PTPN13: variants seen among roughly 807,000 people sequenced by gnomAD.
PTPN13 encodes tyrosine-protein phosphatase non-receptor type 13.
In PTPN13, 191 loss-of-function variants were observed where a neutral mutation model predicts 284.0. The ratio of observed to expected loss-of-function variants is 0.67; its 90% CI spans 0.60 to 0.76. PTPN13 has a LOEUF of 0.76. Among genes scored for constraint, PTPN13 ranks in the 30% least tolerant of loss-of-function variants. The pLI is 0.00. For missense variants in PTPN13, 2,797 were observed against 2,939.9 expected (o/e 0.95, Z 1.12); for synonymous variants, 986 against 1,022.3 (o/e 0.96, Z 0.68).
chr4:86,608,894 C>T (rs1327743807), intron 1 of PTPN13, among the ~76,000 whole-genome samples: 1 of 152,152 alleles, frequency 6.6e-6, no homozygotes, highest in African/African-American at 2.4e-5. Flanking sequence ...CAGTTATTTA[C>T]AGAGCCCCAA....
At chr4:86,624,722 G>A (rs192458107) in intron 1 of PTPN13, among the ~76,000 whole-genome samples, 2 of 152,066 alleles carry the variant, frequency 1.3e-5, no homozygotes, top group Admixed American at 6.6e-5. Context: ...AGGCTGAGGC[G>A]GGATTGCTTA....
At chr4:86,671,499 T>G (rs1253374701) in intron 2 of PTPN13, among the ~76,000 whole-genome samples, 1 of 152,214 alleles carries the variant, frequency 6.6e-6, no homozygotes, top group African/African-American at 2.4e-5. Flanking sequence ...AAATAAAGTT[T>G]ATTCTAATCA....
In PTPN13 at chr4:86,758,936, G is replaced by A; in HGVS notation, c.3422-6G>A. 1 of 1,611,730 alleles carries A rather than the reference G, an allele frequency of 6.2e-7. No homozygotes were observed. The highest frequency in any genetic ancestry group is 8.5e-7 in the Non-Finnish European group (1 of 1,179,070). On this transcript the variant is annotated splice_polypyrimidine_tract_variant and splice_region_variant and intron_variant, in intron 22 of 47. Coordinates refer to ENST00000411767, the MANE Select transcript of PTPN13 (RefSeq NM_080683.3). ...GTTGAAAATACTGGATTGTCTATTTGTACAGGAGACCGTTTGATATCTGTG... is the reference window on the plus strand; with the variant it reads ...GTTGAAAATACTGGATTGTCTATTTATACAGGAGACCGTTTGATATCTGTG...
At chr4:86,641,336 C>CGAAA (rs1363345522) in intron 2 of PTPN13, among the ~76,000 whole-genome samples, 1 of 151,892 alleles carries the variant, frequency 6.6e-6, no homozygotes, top group African/African-American at 2.4e-5. Context: ...ATGGCTTTTC[C>CGAAA]CCCTTATCAT....
chr4:86,634,463 G>A lies in PTPN13; in HGVS notation c.-5-789G>A, dbSNP rs1051471083. Among the ~76,000 whole-genome samples, 7 of 152,060 alleles carry A rather than the reference G, an allele frequency of 4.6e-5. No homozygotes were observed. The East Asian group carries it at 9.6e-4, about 21-fold the overall frequency. ...TCAGTATATCATCACTTAACTGAAC[G>A]CCATTGGAAAAATTGACCTGACAAA... On this transcript the variant is annotated intron_variant, in intron 1 of 47. Transcript: ENST00000411767.
intron 15 of PTPN13, among the ~76,000 whole-genome samples, chr4:86,739,814 G>T (rs1273586549): frequency 6.6e-6 from 1 of 152,182 alleles, no homozygotes; most frequent in African/African-American, 2.4e-5. Context: ...AGGTACAATG[G>T]GGGTTACAGG....
At chr4:86,605,275 C>T (rs1447008436) in intron 1 of PTPN13, among the ~76,000 whole-genome samples, 1 of 151,854 alleles carries the variant, frequency 6.6e-6, no homozygotes, top group Non-Finnish European at 1.5e-5. Flanking sequence ...AAAAGTAGAA[C>T]ATTGTGATCA....
chr4:86,626,817 G>A (rs1007188894), intron 1 of PTPN13, among the ~76,000 whole-genome samples: 1 of 151,958 alleles, frequency 6.6e-6, no homozygotes, highest in Non-Finnish European at 1.5e-5. Context: ...CTGCACAGAG[G>A]GTCAGTTCCC....
At chr4:86,636,884 C>T (rs1723082797) in intron 2 of PTPN13, among the ~76,000 whole-genome samples, 1 of 151,886 alleles carries the variant, frequency 6.6e-6, no homozygotes, top group Admixed American at 6.6e-5. Flanking sequence ...ATTAATGAAT[C>T]CAGGAGCTGG....
chr4:86,807,439 C>A, intron 44 of PTPN13, 121 bp from the exon 45 acceptor site: 3 of 702,228 alleles, frequency 4.3e-6, no homozygotes, highest in East Asian at 2.6e-5. Flanking sequence ...TATTAAAATA[C>A]GTTGGTGATT....
chr4:86,771,112 A>T (rs1739946043), intron 30 of PTPN13, 59 bp from the exon 31 acceptor site: 1 of 1,478,640 alleles, frequency 6.8e-7, no homozygotes, highest in Admixed American at 2.5e-5. Flanking sequence ...TTATTTTCAA[A>T]TAAATGCTTC....
At chr4:86,645,027 G>C (rs952546681) in intron 2 of PTPN13, among the ~76,000 whole-genome samples, 1 of 151,994 alleles carries the variant, frequency 6.6e-6, no homozygotes, top group Non-Finnish European at 1.5e-5. Flanking sequence ...TGCGAAACAC[G>C]GTGAAACCTC....
chr4:86,653,826 A>G (rs1172715282), intron 2 of PTPN13, among the ~76,000 whole-genome samples: 2 of 152,224 alleles, frequency 1.3e-5, no homozygotes, highest in Non-Finnish European at 2.9e-5. Flanking sequence ...AGAAAATTGA[A>G]AAGTAACTAA....
chr4:86,705,666 G>A (rs1424522404), intron 7 of PTPN13, among the ~76,000 whole-genome samples: 5 of 152,134 alleles, frequency 3.3e-5, no homozygotes, highest in Non-Finnish European at 5.9e-5. Context: ...AGAGGTCTTA[G>A]AGCACATGTT....
At chr4:86,612,102 A>AT (rs201628513) in intron 1 of PTPN13, among the ~76,000 whole-genome samples, 2 of 152,204 alleles carry the variant, frequency 1.3e-5, no homozygotes, top group East Asian at 3.8e-4. Flanking sequence ...AAATCTTTAA[A>AT]ATAAGACCTG....
At chr4:86,745,866 T>G (rs1424080153) in intron 17 of PTPN13, among the ~76,000 whole-genome samples, 1 of 151,952 alleles carries the variant, frequency 6.6e-6, no homozygotes, top group East Asian at 1.9e-4. Context: ...GAGACTAGAG[T>G]ACTGGACAGG....
intron 2 of PTPN13, among the ~76,000 whole-genome samples, chr4:86,644,475 A>G (rs574750078): frequency 4.6e-5 from 7 of 152,276 alleles, no homozygotes; most frequent in Admixed American, 2.0e-4. Flanking sequence ...ATACCCCACA[A>G]AGAAAATTCC....
chr4:86,785,967 T>C, intron 40 of PTPN13, 31 bp downstream of exon 40: 1 of 1,262,164 alleles, frequency 7.9e-7, no homozygotes, highest in South Asian at 1.5e-5. Flanking sequence ...ACCTAGGATA[T>C]GACAGCTTGT....
At position 86,758,803 on chromosome 4, in the gene PTPN13, A is replaced by T; in HGVS notation, c.3421+18A>T. 1 of 1,605,260 alleles carries T rather than the reference A, an allele frequency of 6.2e-7. No homozygotes were observed. Among genetic ancestry groups the T allele is most frequent in the South Asian group, 1.1e-5 (1 of 89,830 alleles). On this transcript the variant is annotated intron_variant, in intron 22 of 47. Coordinates refer to ENST00000411767, the MANE Select transcript of PTPN13 (RefSeq NM_080683.3). ...GAAGCCAGGTACTTTACATTTTGGT[A>T]GTTTTCTAAGTATTTTCTGACAGGC...
Sources: allele counts gnomAD v4.1 joint callset (sites outside exome capture counted in the v4.1 genomes callset), GRCh38; gene constraint gnomAD v4.1.1; transcripts MANE v1.5; gene names NCBI Gene and HGNC (gene_info 2026-07-23, HGNC 2026-07-21).